The following TUT1 variants were observed in gnomAD, a reference collection of about 807,000 sequenced individuals.
The protein encoded by TUT1 is speckle targeted PIP5K1A-regulated poly(A) polymerase.
TUT1 carries 26 observed loss-of-function variants against 48.8 expected under a neutral mutation model. The observed-to-expected ratio is 0.53, with a 90% CI of 0.39 to 0.74. The LOEUF is 0.74. TUT1 is among the 30% of genes least tolerant of loss of function. The pLI is 0.00. For missense variants in TUT1, 1,065 were observed against 1,114.8 expected, an observed-to-expected ratio of 0.96 and a Z score of 0.64; for synonymous variants, 470 against 460.8, an observed-to-expected ratio of 1.02 and a Z score of -0.26.
intron 4 of TUT1, among the ~76,000 whole-genome samples, chr11:62,580,775 T>C (rs1196768401): frequency 6.6e-6 from 1 of 151,632 alleles, no homozygotes; most frequent in Non-Finnish European, 1.5e-5. Flanking sequence ...CTAATTTTTG[T>C]ATTTTTTTTT....
At position 62,575,955 on chromosome 11, in the gene TUT1, G is replaced by A. The variant is rs755721289; in HGVS notation, c.1764C>T (p.Asp588=). 5.6e-6 allele frequency: 9 copies of A among 1,614,004 alleles called. No individual in the cohort carries two copies. In the Admixed American group the frequency reaches 8.3e-5, roughly 15 times the overall value. Residue 588 remains aspartate (D), a synonymous_variant, in exon 9 of 9, where the codon GAC becomes GAT. Transcript: ENST00000476907. ...QYQRRSSRGR[D]WGLLPLLQPS... The stretch of plus-strand genomic sequence containing the variant: ...GCTGCAGAAGAGGGAGCAGCCCCCA[G>A]TCCCGACCCCGGGAGGAACGGCGCT...
chr11:62,576,770 A>G (rs1941736059), intron 7 of TUT1, 21 bp from the exon 8 acceptor site: 2 of 1,613,422 alleles, frequency 1.2e-6, no homozygotes, highest in Admixed American at 1.7e-5. Context: ...AAATAAGGTG[A>G]GAGTCAGTCT....
chr11:62,584,921 A>C (rs1006542680), intron 2 of TUT1, among the ~76,000 whole-genome samples: 6 of 151,964 alleles, frequency 3.9e-5, no homozygotes, highest in African/African-American at 1.5e-4. Flanking sequence ...TCTCGGGTTC[A>C]AGCAATTCTC....
At position 62,575,853 on chromosome 11, in the gene TUT1, G is replaced by A; in HGVS notation, c.1866C>T (p.Ala622=). The change falls in exon 9 of 9, where the codon GCC becomes GCT. Residue 622 remains alanine, a synonymous_variant. Transcript: ENST00000476907. ...PLAPFTQLTA[A]LVQVFREALG... ...GTGCTTCCCTGAATACCTGCACCAG[G>A]GCAGCAGTGAGCTGGGTGAAGGGTG... 6.2e-7 allele frequency: 1 copy of A among 1,614,166 alleles called. No homozygotes were observed.
chr11:62,581,788 A>G, intron 2 of TUT1, 87 bp from the exon 3 acceptor site: 1 of 1,107,474 alleles, frequency 9.0e-7, no homozygotes. Context: ...TTTGAAATGG[A>G]GACTATCCCA....
Position 62,581,671 on chromosome 11 carries a change from C to A in TUT1, c.304G>T (p.Val102Leu). The part of the protein sequence containing the change: ...GVFAIVEMGD[V>L]GAREAVLSQS... ...GACAAGACAGCCTCTCGAGCACCCACGTCCCCCATCTCCACAATGGCAAAC... is the reference window on the plus strand; with the variant it reads ...GACAAGACAGCCTCTCGAGCACCCAAGTCCCCCATCTCCACAATGGCAAAC... The change falls in exon 3 of 9, where the codon GTG becomes TTG. Residue 102 changes from valine to leucine, a missense_variant. Coordinates refer to ENST00000476907, the MANE Select transcript of TUT1 (RefSeq NM_022830.3). The A allele has an allele frequency of 6.7e-7, 1 of 1,484,558 alleles. No homozygotes were observed. Among genetic ancestry groups the A allele is most frequent in the Non-Finnish European group, 9.0e-7 (1 of 1,116,344 alleles). 92.0% of individuals were successfully genotyped at this position (1,484,558 alleles called of 1,614,324 possible). A position where few individuals can be genotyped will look rare whatever the true frequency, so the allele number is the denominator to read the frequency against.
chr11:62,586,082 C>T (rs1590722824), intron 2 of TUT1, among the ~76,000 whole-genome samples: 1 of 152,362 alleles, frequency 6.6e-6, no homozygotes, highest in South Asian at 2.1e-4. Context: ...CGCGCCACTG[C>T]ATTCCAGCCT....
At chr11:62,587,370 G>A (rs1222709851) in intron 2 of TUT1, among the ~76,000 whole-genome samples, 2 of 151,982 alleles carry the variant, frequency 1.3e-5, no homozygotes, top group Admixed American at 6.6e-5. Context: ...TAGTAGAGAC[G>A]GGGTTTCTCC....
intron 4 of TUT1, among the ~76,000 whole-genome samples, chr11:62,579,763 C>G (rs1941795463): frequency 6.7e-6 from 1 of 149,696 alleles, no homozygotes; most frequent in African/African-American, 2.5e-5. Context: ...CTCCTGGGTT[C>G]AAGCTGTCTC....
intron 4 of TUT1, among the ~76,000 whole-genome samples, chr11:62,579,586 G>A (rs1349752021): frequency 1.3e-5 from 2 of 152,036 alleles, no homozygotes; most frequent in Admixed American, 6.6e-5. Flanking sequence ...CTCCTGTTGC[G>A]GGGGCAGCAG....
Position 62,575,081 on chromosome 11 carries a change from A to C in TUT1, c.*13T>G. 2 of 1,552,920 alleles carry C rather than the reference A, an allele frequency of 1.3e-6. No individual in the cohort carries two copies. Among genetic ancestry groups the C allele is most frequent in the South Asian group, 2.5e-5 (2 of 81,320 alleles). On this transcript the variant is annotated 3_prime_UTR_variant, in exon 9 of 9. Coordinates refer to ENST00000476907, the MANE Select transcript of TUT1 (RefSeq NM_022830.3). ...TAAACTAGCAGCTTTATTGCCCTTC[A>C]GGGGCCATGTCTTCACTTGAGATGT...
Position 62,576,195 on chromosome 11 carries a change from A to T in TUT1, c.1524T>A (p.Arg508=), listed in dbSNP as rs118073625. The T allele has an allele frequency of 8.0e-3, 12,924 of 1,608,504 alleles. 64 individuals carry two copies. Among genetic ancestry groups the T allele is most frequent in the Middle Eastern group, 0.018 (108 of 6,020 alleles). The part of the protein sequence containing the change: ...FFSCVSCWDL[R]GSLLSLREGQ... ...CCTCCCGCAGGGACAGCAGGGAGCC[A>T]CGAAGATCCCAACAAGATACACAGG... The change falls in exon 9 of 9, where the codon CGT becomes CGA. Residue 508 remains arginine (R), a synonymous_variant. Transcript: ENST00000476907.
Position 62,575,655 on chromosome 11 carries a change from CCT to C in TUT1, c.2062_2063del (p.Arg688GlyfsTer56), listed in dbSNP as rs780651684. Reference sequence around the variant, plus strand: ...CAACCTCTATAACCATCTCTTCTACCCTGTCTTCCCCACCGTCCCCTGCACAT... The same window carrying C: ...CAACCTCTATAACCATCTCTTCTACCGTCTTCCCCACCGTCCCCTGCACAT... ...QGCAGDGGED[R>X]VEEMVIEVGE... On this transcript the variant is annotated frameshift_variant, in exon 9 of 9. Transcript: ENST00000476907. LOFTEE classifies it low-confidence loss of function (END_TRUNC). 4.3e-6 allele frequency: 7 copies of C among 1,614,098 alleles called. No individual in the cohort carries two copies. Among genetic ancestry groups the C allele is most frequent in the South Asian group, 1.1e-5 (1 of 91,094 alleles).
chr11:62,575,615 C>G lies in TUT1; in HGVS notation c.2104G>C (p.Asp702His), dbSNP rs550071205. The G allele has an allele frequency of 9.4e-5, 152 of 1,614,198 alleles. No homozygotes were observed. In the South Asian group the frequency reaches 1.5e-3, roughly 16 times the overall value. Residue 702 changes from aspartate (D) to histidine (H), a missense_variant, in exon 9 of 9, where the codon GAC becomes CAC. Physicochemically the swap from Asp to His is moderately conservative, Grantham distance 81 (BLOSUM62 -1). Transcript: ENST00000476907. ...MVIEVGEMVQ[D>H]WAMQSPGQPG... Reference sequence around the variant, plus strand: ...TGCCCAGGGCTCTGCATGGCCCAGTCCTGCACCATCTCTCCAACCTCTATA... The same window carrying G: ...TGCCCAGGGCTCTGCATGGCCCAGTGCTGCACCATCTCTCCAACCTCTATA...
At position 62,577,181 on chromosome 11, in the gene TUT1, C is replaced by G; in HGVS notation, c.1270+1G>C. 6.2e-7 allele frequency: 1 copy of G among 1,608,464 alleles called. No individual in the cohort carries two copies. Among genetic ancestry groups the G allele is most frequent in the Non-Finnish European group, 8.5e-7 (1 of 1,178,104 alleles). On this transcript the variant is annotated splice_donor_variant, in intron 6 of 8. Transcript: ENST00000476907. LOFTEE classifies it high-confidence loss of function. ...CCAAGTCTGTCCTGATCCATTCTCA[C>G]CTGACAGCCCCCGACCCTGAGCCCA...
intron 5 of TUT1, 92 bp downstream of exon 5, chr11:62,578,469 T>G: frequency 8.1e-7 from 1 of 1,227,030 alleles, no homozygotes; most frequent in Non-Finnish European, 1.1e-6. Flanking sequence ...CACTTCAACC[T>G]GGGAGGCAGA....
At chr11:62,585,962 C>T (rs1418502751) in intron 2 of TUT1, among the ~76,000 whole-genome samples, 4 of 152,164 alleles carry the variant, frequency 2.6e-5, no homozygotes, top group Admixed American at 6.5e-5. Flanking sequence ...ATTAGCCAGG[C>T]GCGGTGGCGC....
At chr11:62,586,530 G>A (rs1025180808) in intron 2 of TUT1, among the ~76,000 whole-genome samples, 1 of 152,170 alleles carries the variant, frequency 6.6e-6, no homozygotes, top group African/African-American at 2.4e-5. Flanking sequence ...TGTAATCCCA[G>A]CAGTTTGCGT....
At chr11:62,582,278 A>C (rs1462555400) in intron 2 of TUT1, among the ~76,000 whole-genome samples, 1 of 152,012 alleles carries the variant, frequency 6.6e-6, no homozygotes, top group African/African-American at 2.4e-5. Flanking sequence ...TGGCCAGTAC[A>C]ATTTTTTTAA....
Sources: gnomAD v4.1 joint callset for allele counts (sites outside exome capture counted in the v4.1 genomes callset) on GRCh38, gnomAD v4.1.1 for gene constraint, MANE v1.5 for transcripts, NCBI Gene and HGNC (gene_info 2026-07-23, HGNC 2026-07-21) for gene names.